Variants in NRG1 observed in about 807,000 individuals in gnomAD.
NRG1 encodes the protein neuregulin 1.
NRG1 carries 18 observed loss-of-function variants against 63.8 expected under a neutral mutation model. The ratio of observed to expected loss-of-function variants is 0.28; its 90% CI spans 0.19 to 0.42. NRG1 has a LOEUF of 0.42. Among genes scored for constraint, NRG1 ranks in the 10% least tolerant of loss-of-function variants. The probability of loss-of-function intolerance (pLI) is 1.00; values close to 1 mark genes in which losing one functional copy is unlikely to be tolerated. For synonymous variants in NRG1, 302 were observed against 301.3 expected, an observed-to-expected ratio of 1.00 and a Z score of -0.02; for missense variants, 762 against 814.7, an observed-to-expected ratio of 0.94 and a Z score of 0.79.
At chr8:32,310,650 G>A (rs1175099485) in intron 1 of NRG1, among the ~76,000 whole-genome samples, 1 of 152,158 alleles carries the variant, frequency 6.6e-6, no homozygotes, top group Non-Finnish European at 1.5e-5. Flanking sequence ...AGAATTAGAA[G>A]GAACAAAGAA....
intron 1 of NRG1, among the ~76,000 whole-genome samples, chr8:32,431,610 T>C (rs561086157): frequency 5.3e-5 from 8 of 152,124 alleles, no homozygotes; most frequent in Non-Finnish European, 8.8e-5. Flanking sequence ...GTTTCCAAGG[T>C]CAAGACCCAC....
At chr8:32,561,555 G>A (rs140815338) in intron 1 of NRG1, among the ~76,000 whole-genome samples, 148 of 152,316 alleles carry the variant, frequency 9.7e-4, no homozygotes, top group African/African-American at 3.4e-3. Context: ...CTTTATGCAG[G>A]AAACTCTGAA....
chr8:31,943,215 A>G (rs1286601934), intron 1 of NRG1, among the ~76,000 whole-genome samples: 1 of 152,186 alleles, frequency 6.6e-6, no homozygotes, highest in African/African-American at 2.4e-5. Flanking sequence ...TAAAAGCAAC[A>G]AAATAATGAC....
At chr8:32,316,409 G>A (rs1048313084) in intron 1 of NRG1, among the ~76,000 whole-genome samples, 4 of 151,520 alleles carry the variant, frequency 2.6e-5, no homozygotes, top group Admixed American at 2.6e-4. Flanking sequence ...CTGGGAGGCG[G>A]AGGGTGCAGT....
chr8:31,648,082 C>T (rs886622018), intron 1 of NRG1, among the ~76,000 whole-genome samples: 4 of 150,602 alleles, frequency 2.7e-5, no homozygotes, highest in Non-Finnish European at 5.9e-5. Context: ...CTCCTTTTCC[C>T]CAATCACCAT....
rs534007098 is a variant in NRG1 at position 31,930,057 on chromosome 8, T to C, written c.37+290626T>C. Among the ~76,000 whole-genome samples the C allele has an allele frequency of 2.3e-3, 348 of 152,318 alleles. 1 individual carries two copies. Among genetic ancestry groups the C allele is most frequent in the Middle Eastern group, 3.4e-3 (1 of 294 alleles). On this transcript the variant is annotated intron_variant, in intron 1 of 10. Transcript: ENST00000519301. ...CCTTGCCAGGTCAGTAGGACAGATGTGTAGACTAAGAAATTAACTAGTGAG... is the reference window on the plus strand; with the variant it reads ...CCTTGCCAGGTCAGTAGGACAGATGCGTAGACTAAGAAATTAACTAGTGAG...
chr8:32,487,766 C>CA (rs991792156), intron 1 of NRG1, among the ~76,000 whole-genome samples: 2 of 152,158 alleles, frequency 1.3e-5, no homozygotes, highest in African/African-American at 4.8e-5. Context: ...CATTTCTCTA[C>CA]ACGTTAGAGT....
intron 1 of NRG1, among the ~76,000 whole-genome samples, chr8:32,170,040 T>A (rs1014617690): frequency 6.6e-6 from 1 of 152,212 alleles, no homozygotes; most frequent in East Asian, 1.9e-4. Flanking sequence ...GAATTATGTA[T>A]CTACAAGCCA....
At chr8:32,425,998 G>A (rs1204192314) in intron 1 of NRG1, among the ~76,000 whole-genome samples, 1 of 152,072 alleles carries the variant, frequency 6.6e-6, no homozygotes, top group Non-Finnish European at 1.5e-5. Flanking sequence ...AACAGGATTT[G>A]GCGCTCTACA....
intron 1 of NRG1, among the ~76,000 whole-genome samples, chr8:31,989,638 A>C (rs1371753885): frequency 6.6e-6 from 1 of 152,134 alleles, no homozygotes; most frequent in Non-Finnish European, 1.5e-5. Flanking sequence ...TTCTCAATGA[A>C]AAAATAATTT....
chr8:32,648,372 G>T (rs753594390), intron 5 of NRG1: 1 of 1,613,634 alleles, frequency 6.2e-7, no homozygotes, highest in Admixed American at 1.7e-5. Context: ...TCTCCAAACT[G>T]CTCCTAAACT....
intron 1 of NRG1, among the ~76,000 whole-genome samples, chr8:32,510,149 G>A (rs913963019): frequency 2.1e-5 from 3 of 146,166 alleles, no homozygotes; most frequent in Non-Finnish European, 4.5e-5. Context: ...GGGAGGGAGG[G>A]AGAAAGGGAA....
At chr8:32,654,946 A>C (rs569294887) in intron 5 of NRG1, among the ~76,000 whole-genome samples, 1 of 152,088 alleles carries the variant, frequency 6.6e-6, no homozygotes, top group African/African-American at 2.4e-5. Context: ...TTGACTTTCA[A>C]TCCTACTTGT....
chr8:32,406,222 G>A (rs1362890532), intron 1 of NRG1, among the ~76,000 whole-genome samples: 2 of 152,056 alleles, frequency 1.3e-5, no homozygotes, highest in Admixed American at 1.3e-4. Context: ...CATAAGATTG[G>A]TAGAATTACA....
Position 32,393,248 on chromosome 8 carries a change from G to A in NRG1, c.38-202580G>A, listed in dbSNP as rs369168098. On this transcript the variant is annotated intron_variant, in intron 1 of 10. Transcript: ENST00000519301. ...ATACCATCTTCCTCTTACAGGGAAT[G>A]AGACTTTTGTATAAAGAGGCACAAT... 2.1e-4 allele frequency among the ~76,000 whole-genome samples: 32 copies of A among 152,266 alleles called. 2 individuals are homozygous for A. The highest frequency in any genetic ancestry group is 7.2e-4 in the African/African-American group (30 of 41,560).
chr8:31,744,238 T>A (rs905808262), intron 1 of NRG1, among the ~76,000 whole-genome samples: 2 of 151,952 alleles, frequency 1.3e-5, no homozygotes, highest in African/African-American at 4.8e-5. Flanking sequence ...TGTTCAAGGA[T>A]TAATGAAGAG....
chr8:32,018,225 C>T (rs975608887), intron 1 of NRG1, among the ~76,000 whole-genome samples: 1 of 152,158 alleles, frequency 6.6e-6, no homozygotes, highest in African/African-American at 2.4e-5. Flanking sequence ...TACATCATTC[C>T]TTCCTATACT....
intron 1 of NRG1, among the ~76,000 whole-genome samples, chr8:31,680,349 T>C (rs1326543672): frequency 3.4e-5 from 5 of 145,930 alleles, no homozygotes; most frequent in African/African-American, 1.0e-4. Flanking sequence ...TGTCCATGTG[T>C]TCTCATTGTT....
chr8:31,787,230 AT>A (rs1820262584), intron 1 of NRG1, among the ~76,000 whole-genome samples: 1 of 152,240 alleles, frequency 6.6e-6, no homozygotes, highest in Non-Finnish European at 1.5e-5. Context: ...AAGCAGTTGC[AT>A]TTGCATCTTT....
Sources: gnomAD v4.1 joint callset for allele counts (sites outside exome capture counted in the v4.1 genomes callset) on GRCh38, gnomAD v4.1.1 for gene constraint, MANE v1.5 for transcripts, NCBI Gene and HGNC (gene_info 2026-07-23, HGNC 2026-07-21) for gene names.